Variants in PDZK1 observed in about 807,000 individuals in gnomAD.
PDZK1 encodes PDZ domain containing 1, also known as Na(+)/H(+) exchange regulatory cofactor NHE-RF3.
In PDZK1, 23 loss-of-function variants were observed where a neutral mutation model predicts 38.1. The ratio of observed to expected loss-of-function variants is 0.60; its 90% CI spans 0.43 to 0.85. PDZK1 has a LOEUF of 0.85. Ranked by LOEUF, PDZK1 falls within the 40% of genes least tolerant of loss-of-function variation. PDZK1 has a pLI of 0.00. For synonymous variants in PDZK1, 98 were observed against 186.2 expected, an observed-to-expected ratio of 0.53 and a Z score of 3.86; for missense variants, 297 against 504.3, an observed-to-expected ratio of 0.59 and a Z score of 3.94.
At chr1:145,676,850 C>CAAGG (rs1653732796) in intron 6 of PDZK1, among the ~76,000 whole-genome samples, 1 of 152,062 alleles carries the variant, frequency 6.6e-6, no homozygotes, top group Non-Finnish European at 1.5e-5. Context: ...AACCTCTTCC[C>CAAGG]TGGTTACCCT....
At chr1:145,702,445 A>T (rs1273538570) in intron 1 of PDZK1, among the ~76,000 whole-genome samples, 4 of 151,826 alleles carry the variant, frequency 2.6e-5, no homozygotes, top group Non-Finnish European at 5.9e-5. Flanking sequence ...CTTTCCCCAA[A>T]TCGACATTTT....
Position 145,690,726 on chromosome 1 carries a change from G to A in PDZK1, c.-2-2703C>T, listed in dbSNP as rs77435946. On this transcript the variant is annotated intron_variant, in intron 1 of 8. Coordinates refer to ENST00000417171, the MANE Select transcript of PDZK1 (RefSeq NM_001201325.2). ...TTAATCTCTTTGTTTGTAGGCCAAGGATAGAAAGTGAAACCTCCTCACTAG... is the reference window on the plus strand; with the variant it reads ...TTAATCTCTTTGTTTGTAGGCCAAGAATAGAAAGTGAAACCTCCTCACTAG... Among the ~76,000 whole-genome samples the A allele has an allele frequency of 9.6e-3, 1,459 of 152,300 alleles. 7 individuals are homozygous for A. The highest frequency in any genetic ancestry group is 0.015 in the Non-Finnish European group (1,043 of 68,024).
chr1:145,683,379 G>A (rs1176243946), intron 3 of PDZK1, among the ~76,000 whole-genome samples: 41 of 152,336 alleles, frequency 2.7e-4, no homozygotes, highest in African/African-American at 9.6e-4. Flanking sequence ...TGTGTCATAC[G>A]CCCTTTCTTT....
intron 8 of PDZK1, among the ~76,000 whole-genome samples, chr1:145,671,978 G>T (rs1653108174): frequency 6.6e-6 from 1 of 151,732 alleles, no homozygotes; most frequent in African/African-American, 2.4e-5. Flanking sequence ...CCCATTAGCA[G>T]AATTAATATA....
intron 5 of PDZK1, among the ~76,000 whole-genome samples, 183 bp from the exon 6 acceptor site, chr1:145,678,828 G>C (rs1653965662): frequency 1.4e-5 from 2 of 143,864 alleles, no homozygotes; most frequent in African/African-American, 5.1e-5. Context: ...CTCGTTTCCT[G>C]CTCAGAACTC....
chr1:145,680,310 TGAAAA>T (rs1218841869), intron 5 of PDZK1, among the ~76,000 whole-genome samples: 1 of 151,724 alleles, frequency 6.6e-6, no homozygotes, highest in African/African-American at 2.4e-5. Context: ...AAACAGAGAG[TGAAAA>T]GAAAATAACA....
intron 8 of PDZK1, 87 bp downstream of exon 8, chr1:145,672,643 G>T: frequency 6.6e-7 from 1 of 1,513,072 alleles, no homozygotes; most frequent in Non-Finnish European, 9.0e-7. Flanking sequence ...AAAAATCTGT[G>T]GCAAACATAG....
At chr1:145,700,700 T>A (rs1655909768) in intron 1 of PDZK1, among the ~76,000 whole-genome samples, 1 of 152,172 alleles carries the variant, frequency 6.6e-6, no homozygotes, top group Non-Finnish European at 1.5e-5. Context: ...CCAGGTACTG[T>A]CATCTCTGCT....
rs180875584 is a variant in PDZK1 at position 145,697,252 on chromosome 1, G to A, written c.-2-9229C>T. Reference sequence around the variant, plus strand: ...TGAGGCAGGAGAATCGCTTGAACCCGGGAGGCAGTGGTTGCGGTGAGCCGA... The same window carrying A: ...TGAGGCAGGAGAATCGCTTGAACCCAGGAGGCAGTGGTTGCGGTGAGCCGA... On this transcript the variant is annotated intron_variant, in intron 1 of 8. Transcript: ENST00000417171. 5.1e-4 allele frequency among the ~76,000 whole-genome samples: 77 copies of A among 150,680 alleles called. 1 individual carries two copies. The highest frequency in any genetic ancestry group is 1.8e-3 in the African/African-American group (73 of 40,914).
chr1:145,705,835 C>T (rs1234780674), intron 1 of PDZK1, among the ~76,000 whole-genome samples: 6 of 152,264 alleles, frequency 3.9e-5, no homozygotes, highest in African/African-American at 9.6e-5. Context: ...ACTGTAGCCT[C>T]GACCCCCTGG....
chr1:145,673,831 G>C lies in PDZK1; in HGVS notation c.1041C>G (p.Gly347=). 1 of 1,597,414 alleles carries C rather than the reference G, an allele frequency of 6.3e-7. No homozygotes were observed. The highest frequency in any genetic ancestry group is 8.5e-7 in the Non-Finnish European group (1 of 1,170,962). ...TAGGAGCTGGAGCCTCCTTGACAGA[G>C]CCATTGGGCAGTTCTTGACTTTGAT... is the stretch of plus-strand genomic sequence containing the variant. The part of the protein sequence containing the change: ...LYYQSQELPN[G]SVKEAPAPTP... Residue 347 remains glycine, a synonymous_variant, in exon 7 of 9, where the codon GGC becomes GGG. Transcript: ENST00000417171.
Position 145,671,410 on chromosome 1 carries a change from A to G in PDZK1, c.*26T>C. On this transcript the variant is annotated 3_prime_UTR_variant, in exon 9 of 9. Coordinates refer to ENST00000417171, the MANE Select transcript of PDZK1 (RefSeq NM_001201325.2). ...ATACCCAGAAACAGCTATCAAATAA[A>G]CAGCCAAAGCTATTACTTGTTTTCA... 1.2e-6 allele frequency: 2 copies of G among 1,601,862 alleles called. No individual in the cohort carries two copies. The highest frequency in any genetic ancestry group is 1.7e-6 in the Non-Finnish European group (2 of 1,173,580).
chr1:145,677,205 G>A (rs1653770725), intron 6 of PDZK1, among the ~76,000 whole-genome samples: 1 of 152,132 alleles, frequency 6.6e-6, no homozygotes, highest in African/African-American at 2.4e-5. Flanking sequence ...TTTTTCTGTA[G>A]TCCTCAAATC....
chr1:145,706,833 G>C (rs1262574785), intron 1 of PDZK1, among the ~76,000 whole-genome samples: 1 of 151,870 alleles, frequency 6.6e-6, no homozygotes, highest in Non-Finnish European at 1.5e-5. Flanking sequence ...GCTGCAGTGT[G>C]ATACAGAGAG....
At position 145,686,646 on chromosome 1, in the gene PDZK1, T is replaced by C; in HGVS notation, c.291A>G (p.Lys97=). Residue 97 remains lysine, a synonymous_variant, in exon 3 of 9, where the codon AAA becomes AAG. Transcript: ENST00000417171. ...CCAACTCTTTCAAGTCCACCCGTGTTTTCACTGCTTTCTCATAGGAATCCC... is the reference window on the plus strand; with the variant it reads ...CCAACTCTTTCAAGTCCACCCGTGTCTTCACTGCTTTCTCATAGGAATCCC... ...LDGDSYEKAV[K]TRVDLKELGQ... is the part of the protein sequence containing the mutation. The C allele has an allele frequency of 6.3e-7, 1 of 1,593,212 alleles. No homozygotes were observed. Among genetic ancestry groups the C allele is most frequent in the Non-Finnish European group, 8.6e-7 (1 of 1,166,426 alleles).
Position 145,688,088 on chromosome 1 carries a change from A to C in PDZK1, c.-2-65T>G, listed in dbSNP as rs587666261. 25 of 1,303,112 alleles carry C rather than the reference A, an allele frequency of 1.9e-5. No individual in the cohort carries two copies. In the African/African-American group the frequency reaches 3.2e-4, roughly 17 times the overall value. 80.7% of individuals were successfully genotyped at this position (1,303,112 alleles called of 1,614,324 possible). On this transcript the variant is annotated intron_variant, in intron 1 of 8. Coordinates refer to ENST00000417171, the MANE Select transcript of PDZK1 (RefSeq NM_001201325.2). The stretch of plus-strand genomic sequence containing the variant: ...AGAATCTAATTGGAGTGAGAACCCC[A>C]TCCTCCATCTCCTATAATTCTGTTC...
chr1:145,698,626 T>G (rs1220327591), intron 1 of PDZK1, among the ~76,000 whole-genome samples: 2 of 152,128 alleles, frequency 1.3e-5, no homozygotes, highest in African/African-American at 4.8e-5. Flanking sequence ...GGGGCTAACA[T>G]ATTTTTAAAA....
intron 2 of PDZK1, 71 bp downstream of exon 2, chr1:145,687,741 A>T: frequency 7.3e-7 from 1 of 1,366,644 alleles, no homozygotes; most frequent in Non-Finnish European, 1.0e-6. Context: ...CAACCCCCAA[A>T]ATTATAATCA....
rs1553698338 is a variant in PDZK1 at position 145,672,862 on chromosome 1, C to T, written c.1374G>A (p.Lys458=). Residue 458 remains lysine, a synonymous_variant, in exon 8 of 9, where the codon AAG becomes AAA. Transcript: ENST00000417171. Reference sequence around the variant, plus strand: ...TCTTAGCTTGGAAATAATCATAGGCCTTCTTTCCACAGACTAGAAGTGTGA... The same window carrying T: ...TCTTAGCTTGGAAATAATCATAGGCTTTCTTTCCACAGACTAGAAGTGTGA... ...KNVTLLVCGK[K]AYDYFQAKKI... 1 of 1,610,420 alleles carries T rather than the reference C, an allele frequency of 6.2e-7. No individual in the cohort carries two copies. Among genetic ancestry groups the T allele is most frequent in the Non-Finnish European group, 8.5e-7 (1 of 1,178,896 alleles).
Sources: allele counts gnomAD v4.1 joint callset (sites outside exome capture counted in the v4.1 genomes callset), GRCh38; gene constraint gnomAD v4.1.1; transcripts MANE v1.5; gene names NCBI Gene and HGNC (gene_info 2026-07-23, HGNC 2026-07-21).